The following CREB5 variants were observed in gnomAD, a reference collection of about 807,000 sequenced individuals.
The protein encoded by CREB5 is cyclic AMP-responsive element-binding protein 5.
A neutral mutation model predicts 57.1 loss-of-function variants in CREB5; 19 were observed. The observed-to-expected ratio is 0.33, with a 90% confidence interval of 0.23 to 0.49. The LOEUF is 0.49. CREB5 is among the 20% of genes least tolerant of loss of function. The probability of loss-of-function intolerance (pLI) is 0.99; values close to 1 mark genes in which losing one functional copy is unlikely to be tolerated. For missense variants in CREB5, 579 were observed against 671.6 expected (o/e 0.86, Z 1.52); for synonymous variants, 238 against 238.3 (o/e 1.00, Z 0.01).
At chr7:28,763,807 A>ATTTT (rs563568014) in intron 7 of CREB5, among the ~76,000 whole-genome samples, 8,764 of 113,362 alleles carry the variant, frequency 0.077, 344 homozygotes, top group Non-Finnish European at 0.12. Context: ...TATTATTATT[A>ATTTT]TTATTTTTTT....
chr7:28,608,083 CCTCT>C (rs2128674667), intron 5 of CREB5, among the ~76,000 whole-genome samples: 1 of 128,868 alleles, frequency 7.8e-6, no homozygotes, highest in East Asian at 2.7e-4. Flanking sequence ...CACACCCATG[CCTCT>C]CTCTCTGTCT....
intron 7 of CREB5, among the ~76,000 whole-genome samples, chr7:28,777,527 A>T (rs1465313575): frequency 1.3e-5 from 2 of 152,216 alleles, no homozygotes; most frequent in Non-Finnish European, 2.9e-5. Context: ...ACTACATTCC[A>T]TCAACAAGGT....
intron 4 of CREB5, among the ~76,000 whole-genome samples, chr7:28,516,909 G>A (rs780484886): frequency 5.9e-5 from 9 of 152,166 alleles, no homozygotes; most frequent in African/African-American, 9.7e-5. Context: ...GATTTCTGAC[G>A]TGCCAGACAG....
At chr7:28,414,259 A>T (rs1479295523) in intron 1 of CREB5, among the ~76,000 whole-genome samples, 1 of 148,376 alleles carries the variant, frequency 6.7e-6, no homozygotes, top group East Asian at 2.0e-4. Context: ...TGCTTCTTAC[A>T]AATTGGATTT....
At chr7:28,712,384 T>C (rs539571303) in intron 5 of CREB5, among the ~76,000 whole-genome samples, 109 of 151,294 alleles carry the variant, frequency 7.2e-4, no homozygotes, top group Non-Finnish European at 1.3e-3. Flanking sequence ...GGCACATGCC[T>C]GTAATCCCAG....
intron 4 of CREB5, among the ~76,000 whole-genome samples, chr7:28,549,025 T>C (rs9969383): frequency 0.09 from 13,735 of 152,242 alleles, 693 homozygotes; most frequent in African/African-American, 0.12. Flanking sequence ...TCTTATTTCA[T>C]TCTTAAATAA....
chr7:28,817,780 A>C (rs1016869072), intron 9 of CREB5, among the ~76,000 whole-genome samples: 2 of 152,166 alleles, frequency 1.3e-5, no homozygotes, highest in African/African-American at 4.8e-5. Context: ...GTCAGTGTGG[A>C]GTAAGGATTC....
chr7:28,452,161 G>A (rs896454309), intron 1 of CREB5, among the ~76,000 whole-genome samples: 1 of 152,086 alleles, frequency 6.6e-6, no homozygotes, highest in African/African-American at 2.4e-5. Context: ...GTTAGTCAAA[G>A]TTTTGTTTCT....
At chr7:28,553,134 C>G (rs894331101) in intron 4 of CREB5, among the ~76,000 whole-genome samples, 14 of 152,218 alleles carry the variant, frequency 9.2e-5, no homozygotes, top group African/African-American at 2.9e-4. Flanking sequence ...CATCCTACTT[C>G]TATGCAGCTT....
chr7:28,548,962 G>A (rs1179955875), intron 4 of CREB5, among the ~76,000 whole-genome samples: 1 of 152,120 alleles, frequency 6.6e-6, no homozygotes, highest in Non-Finnish European at 1.5e-5. Context: ...AAGCATCTAT[G>A]TAGATATTTG....
intron 7 of CREB5, among the ~76,000 whole-genome samples, chr7:28,731,504 C>A (rs1381321091): frequency 6.6e-6 from 1 of 152,146 alleles, no homozygotes; most frequent in Non-Finnish European, 1.5e-5. Context: ...TTCGGGGATT[C>A]TTTTGGCAAA....
intron 1 of CREB5, among the ~76,000 whole-genome samples, chr7:28,470,474 G>A (rs1287860565): frequency 6.6e-6 from 1 of 152,120 alleles, no homozygotes; most frequent in Non-Finnish European, 1.5e-5. Context: ...CCATTCATCT[G>A]TTGATGGACA....
intron 4 of CREB5, among the ~76,000 whole-genome samples, chr7:28,560,891 TGTGTGCGTGC>T (rs1562797549): frequency 0.016 from 312 of 19,616 alleles, 33 homozygotes; most frequent in Middle Eastern, 0.029. Context: ...TGCGTGCGTG[TGTGTGCGTGC>T]GCGCGTGCGT....
intron 1 of CREB5, among the ~76,000 whole-genome samples, chr7:28,435,894 GGTGA>G (rs1319158821): frequency 3.3e-5 from 5 of 152,038 alleles, no homozygotes; most frequent in South Asian, 4.2e-4. Flanking sequence ...ACCAGAAAGG[GGTGA>G]GTAATACCAT....
chr7:28,715,582 CTAGCTACA>C (rs1266305713), intron 5 of CREB5, among the ~76,000 whole-genome samples: 1 of 152,136 alleles, frequency 6.6e-6, no homozygotes, highest in Non-Finnish European at 1.5e-5. Context: ...TTTCTTGGAC[CTAGCTACA>C]TAGCTACATG....
At chr7:28,305,271 C>G (rs1002484657) in intron 1 of CREB5, among the ~76,000 whole-genome samples, 1 of 152,188 alleles carries the variant, frequency 6.6e-6, no homozygotes, top group Non-Finnish European at 1.5e-5. Context: ...TTGGCTTTCT[C>G]ATCTCCAGTC....
chr7:28,708,562 C>T (rs763458043), intron 5 of CREB5, among the ~76,000 whole-genome samples: 25 of 152,174 alleles, frequency 1.6e-4, no homozygotes, highest in Non-Finnish European at 2.5e-4. Context: ...GCAGGAGGCA[C>T]GGGATAAGCA....
At chr7:28,532,596 T>C (rs1583587999) in intron 4 of CREB5, among the ~76,000 whole-genome samples, 1 of 152,120 alleles carries the variant, frequency 6.6e-6, no homozygotes, top group East Asian at 1.9e-4. Context: ...AGGTTTTCTT[T>C]GTTTGTTTGT....
chr7:28,664,924 A>G (rs1431440782), intron 5 of CREB5, among the ~76,000 whole-genome samples: 2 of 152,168 alleles, frequency 1.3e-5, no homozygotes, highest in African/African-American at 4.8e-5. Context: ...AGACCTGGCT[A>G]AGTGTTGTGT....
Sources: allele counts gnomAD v4.1 joint callset (sites outside exome capture counted in the v4.1 genomes callset), GRCh38; gene constraint gnomAD v4.1.1; transcripts MANE v1.5; gene names NCBI Gene and HGNC (gene_info 2026-07-23, HGNC 2026-07-21).